Variants in SCIN observed in about 807,000 individuals in gnomAD.
SCIN encodes scinderin, also known as adseverin.
SCIN carries 91 observed loss-of-function variants against 91.8 expected under a neutral mutation model. That is an observed-to-expected ratio of 0.99 (90% CI 0.84 to 1.18). The LOEUF (loss-of-function observed/expected upper bound fraction) is 1.18. Among genes scored for constraint, SCIN ranks in the 50% most tolerant of loss-of-function variants. The pLI, the probability that SCIN is intolerant of heterozygous loss-of-function variation, is 0.00. For missense variants in SCIN, 1,087 were observed against 863.9 expected, an observed-to-expected ratio of 1.26 and a Z score of -3.24; for synonymous variants, 367 against 312.6, an observed-to-expected ratio of 1.17 and a Z score of -1.84.
At chr7:12,596,260 C>CTTTTTTT in intron 3 of SCIN, 1 of 420,284 alleles carries the variant, frequency 2.4e-6, no homozygotes, top group Admixed American at 2.5e-5. Context: ...GTCTTTCTTC[C>CTTTTTTT]TTTTTCCAGT....
chr7:12,585,327 T>G (rs527638845), intron 3 of SCIN, among the ~76,000 whole-genome samples: 1 of 152,158 alleles, frequency 6.6e-6, no homozygotes, highest in Non-Finnish European at 1.5e-5. Flanking sequence ...CTTCCTTGTT[T>G]TTCTCCCTCT....
Position 12,636,987 on chromosome 7 carries a change from G to A in SCIN, c.1410+852G>A, listed in dbSNP as rs141376161. Among the ~76,000 whole-genome samples the A allele has an allele frequency of 9.1e-4, 138 of 152,160 alleles. 1 individual carries two copies. In the East Asian group the frequency reaches 0.022, roughly 24 times the overall value. On this transcript the variant is annotated intron_variant, in intron 10 of 15. Transcript: ENST00000297029. The stretch of plus-strand genomic sequence containing the variant: ...GGGCAACCTCTAGAAGCCAGAAAAA[G>A]CAAGGAATAGATTGATTCCTAGAGC...
Position 12,570,971 on chromosome 7 carries a change from T to C in SCIN, c.185T>C (p.Leu62Pro), listed in dbSNP as rs1399170092. 6.4e-7 allele frequency: 1 copy of C among 1,550,502 alleles called. No homozygotes were observed. The highest frequency in any genetic ancestry group is 1.4e-5 in the African/African-American group (1 of 73,024). ...AKTSRGFTYH[L>P]HFWLGKECSQ... ...ACGAGCCGAGGCTTCACCTACCACC[T>C]GCACTTCTGGCTCGGTAAGGGACGG... The change falls in exon 1 of 16, where the codon CTG becomes CCG. Residue 62 changes from leucine (L) to proline (P), a missense_variant. By Grantham distance (98) the Leu-to-Pro change is moderately conservative. Transcript: ENST00000297029.
At chr7:12,583,779 T>A (rs1782534708) in intron 3 of SCIN, among the ~76,000 whole-genome samples, 1 of 152,158 alleles carries the variant, frequency 6.6e-6, no homozygotes, top group African/African-American at 2.4e-5. Flanking sequence ...GGGCCACAAA[T>A]CCAGGTTCAC....
intron 11 of SCIN, among the ~76,000 whole-genome samples, chr7:12,640,858 C>A (rs762756922): frequency 1.2e-4 from 19 of 152,124 alleles, no homozygotes; most frequent in Non-Finnish European, 2.1e-4. Context: ...GGTGACTGAT[C>A]ACACTGGAGA....
At chr7:12,574,935 G>C (rs1031490888) in intron 1 of SCIN, among the ~76,000 whole-genome samples, 2 of 152,130 alleles carry the variant, frequency 1.3e-5, no homozygotes, top group Admixed American at 1.3e-4. Context: ...GTGAAGGATT[G>C]ACATCATTAT....
At position 12,632,481 on chromosome 7, in the gene SCIN, G is replaced by T. The variant is rs376479004; in HGVS notation, c.1319+3259G>T. The stretch of plus-strand genomic sequence containing the variant: ...CTGATTGACATGTACAGAATGGATT[G>T]GTGGAGGAAGGCTAGCAACAGGAAG... On this transcript the variant is annotated intron_variant, in intron 9 of 15. Transcript: ENST00000297029. Among the ~76,000 whole-genome samples, 64 of 152,194 alleles carry T rather than the reference G, an allele frequency of 4.2e-4. No individual in the cohort carries two copies. In the South Asian group the frequency reaches 0.013, roughly 30 times the overall value.
chr7:12,572,110 A>G (rs769823351), intron 1 of SCIN, among the ~76,000 whole-genome samples: 5 of 152,250 alleles, frequency 3.3e-5, no homozygotes, highest in Non-Finnish European at 5.9e-5. Context: ...GAAACAAAAT[A>G]ATAGAAAACA....
chr7:12,634,569 T>C (rs1783709341), intron 9 of SCIN, among the ~76,000 whole-genome samples: 1 of 152,226 alleles, frequency 6.6e-6, no homozygotes, highest in South Asian at 2.1e-4. Context: ...AATCTAATAG[T>C]TAACTTTCAA....
intron 8 of SCIN, among the ~76,000 whole-genome samples, chr7:12,628,698 C>A (rs1250350580): frequency 1.3e-5 from 2 of 151,902 alleles, no homozygotes; most frequent in African/African-American, 4.8e-5. Context: ...AGTCCGCTAT[C>A]TTAAAGCACA....
intron 10 of SCIN, among the ~76,000 whole-genome samples, chr7:12,638,600 T>A (rs1478784195): frequency 6.6e-6 from 1 of 152,192 alleles, no homozygotes; most frequent in Non-Finnish European, 1.5e-5. Context: ...TCTTTGTAAG[T>A]GTGTAATTGC....
At position 12,570,765 on chromosome 7, in the gene SCIN, C is replaced by A; in HGVS notation, c.-22C>A. 1 of 1,547,270 alleles carries A rather than the reference C, an allele frequency of 6.5e-7. No individual in the cohort carries two copies. The highest frequency in any genetic ancestry group is 8.7e-7 in the Non-Finnish European group (1 of 1,145,082). On this transcript the variant is annotated 5_prime_UTR_variant, in exon 1 of 16. Transcript: ENST00000297029. ...AAGATCAGCGATATCACGCGTCCCCCGGAGCATCGCGTGCAGGAGCCATGG... is the reference window on the plus strand; with the variant it reads ...AAGATCAGCGATATCACGCGTCCCCAGGAGCATCGCGTGCAGGAGCCATGG...
intron 12 of SCIN, 32 bp downstream of exon 12, chr7:12,644,347 G>C: frequency 1.3e-6 from 2 of 1,549,072 alleles, no homozygotes. Context: ...GCACTAACTA[G>C]AATTTATACT....
At chr7:12,600,588 T>G (rs1782937872) in intron 3 of SCIN, among the ~76,000 whole-genome samples, 1 of 152,216 alleles carries the variant, frequency 6.6e-6, no homozygotes, top group Non-Finnish European at 1.5e-5. Context: ...GAGTCAAGTA[T>G]AAGTAAAATG....
In SCIN at chr7:12,643,957, G is replaced by A. The variant is rs574558922; in HGVS notation, c.1582-181G>A. Reference sequence around the variant, plus strand: ...CACAAATCCACAAGTGACACAGACCGAAGTGCTCCTACTCTAGGGTTTAAA... The same window carrying A: ...CACAAATCCACAAGTGACACAGACCAAAGTGCTCCTACTCTAGGGTTTAAA... On this transcript the variant is annotated intron_variant, in intron 11 of 15. Transcript: ENST00000297029. Among the ~76,000 whole-genome samples the A allele has an allele frequency of 2.2e-4, 34 of 152,280 alleles. No homozygotes were observed. The South Asian group carries it at 3.7e-3, about 17-fold the overall frequency.
chr7:12,611,211 A>G (rs909010945), intron 4 of SCIN: 2 of 152,240 alleles, frequency 1.3e-5, no homozygotes, highest in African/African-American at 4.8e-5. Context: ...GTCATCTAGT[A>G]CATTTGTCTT....
rs1160225189 is a variant in SCIN, at chr7:12,658,232, T to C, written c.*5517T>C. On this transcript the variant is annotated 3_prime_UTR_variant, in exon 16 of 16. Coordinates refer to ENST00000297029, the MANE Select transcript of SCIN (RefSeq NM_001112706.3). The stretch of plus-strand genomic sequence containing the variant: ...TTGAGTTTTCCTAATTATTTGACAT[T>C]GTCATTAGCTTGTGATCCTTAGATG... The C allele has an allele frequency of 6.6e-6, 1 of 152,230 alleles. No homozygotes were observed. Among genetic ancestry groups the C allele is most frequent in the African/African-American group, 2.4e-5 (1 of 41,466 alleles). The allele number at this position is 152,230 out of a possible 1,614,324, so 9.4% of individuals were successfully genotyped here. A position where few individuals can be genotyped will look rare whatever the true frequency, so the allele number is the denominator to read the frequency against.
At chr7:12,604,085 C>T (rs908401113) in intron 3 of SCIN, among the ~76,000 whole-genome samples, 2 of 151,924 alleles carry the variant, frequency 1.3e-5, no homozygotes, top group African/African-American at 4.8e-5. Flanking sequence ...TCATGTTATA[C>T]ACAATAAATA....
intron 5 of SCIN, among the ~76,000 whole-genome samples, chr7:12,624,321 AC>A (rs982098531): frequency 8.5e-5 from 13 of 152,198 alleles, no homozygotes; most frequent in Non-Finnish European, 1.9e-4. Flanking sequence ...GTAAATCCTA[AC>A]CTGCACATGA....
Sources: gnomAD v4.1 joint callset for allele counts (sites outside exome capture counted in the v4.1 genomes callset) on GRCh38, gnomAD v4.1.1 for gene constraint, MANE v1.5 for transcripts, NCBI Gene and HGNC (gene_info 2026-07-23, HGNC 2026-07-21) for gene names.